The following ADGRV1 variants were observed in gnomAD, a reference collection of about 807,000 sequenced individuals.
The protein encoded by ADGRV1 is G-protein coupled receptor 98.
Under a neutral mutation model 596.2 loss-of-function variants are expected in ADGRV1, and 359 were observed. The ratio of observed to expected loss-of-function variants is 0.60; its 90% CI spans 0.55 to 0.66. ADGRV1 has a LOEUF of 0.66. ADGRV1 is among the 30% of genes least tolerant of loss of function. The probability of loss-of-function intolerance (pLI) is 0.00; values close to 1 mark genes in which losing one functional copy is unlikely to be tolerated. For missense variants in ADGRV1, 7,274 were observed against 7,575.6 expected (o/e 0.96, Z 1.48); for synonymous variants, 2,681 against 2,679.2 (o/e 1.00, Z -0.02).
intron 87 of ADGRV1, among the ~76,000 whole-genome samples, chr5:91,130,742 T>C (rs1023484673): frequency 2.0e-5 from 3 of 152,186 alleles, no homozygotes; most frequent in African/African-American, 7.2e-5. Context: ...GTAGTGAACA[T>C]AGTGCCCTAT....
At chr5:90,590,301 A>G (rs553647525) in intron 1 of ADGRV1, among the ~76,000 whole-genome samples, 33 of 152,334 alleles carry the variant, frequency 2.2e-4, no homozygotes, top group African/African-American at 6.7e-4. Context: ...GGGGTGCATC[A>G]TAGTTGCAGC....
chr5:91,159,664 T>C (rs960212763), intron 89 of ADGRV1, among the ~76,000 whole-genome samples: 1 of 152,154 alleles, frequency 6.6e-6, no homozygotes, highest in African/African-American at 2.4e-5. Context: ...AATGAGACAC[T>C]GAGTTCTAGA....
At chr5:90,609,692 A>G (rs1227965806) in intron 1 of ADGRV1, among the ~76,000 whole-genome samples, 1 of 151,906 alleles carries the variant, frequency 6.6e-6, no homozygotes, top group Non-Finnish European at 1.5e-5. Context: ...AAACTTGAAA[A>G]CCTTGTTCCT....
In ADGRV1 at chr5:90,619,115, G is replaced by A; in HGVS notation, c.387G>A (p.Trp129Ter). Residue 129 changes from tryptophan to a stop codon, truncating the protein, a stop_gained, in exon 4 of 90, where the codon TGG (tryptophan) becomes TGA (stop). Coordinates refer to ENST00000405460, the MANE Select transcript of ADGRV1 (RefSeq NM_032119.4). LOFTEE classifies it high-confidence loss of function. The stretch of plus-strand genomic sequence containing the variant: ...CTTCAGCAAATGTGAAGCTTGGATG[G>A]CCAAGGACTGTTACTGTGACAATAT... ...QKPSANVKLGWPRTVTVTILS... is the reference protein window; with the variant it reads ...QKPSANVKLG The A allele has an allele frequency of 2.7e-6, 4 of 1,494,226 alleles. No individual in the cohort carries two copies. The highest frequency in any genetic ancestry group is 3.6e-6 in the Non-Finnish European group (4 of 1,115,760). 92.6% of individuals were successfully genotyped at this position (1,494,226 alleles called of 1,614,324 possible).
Position 91,164,031 on chromosome 5 carries a change from G to C in ADGRV1, c.*131G>C, listed in dbSNP as rs1797174140. 1 of 701,156 alleles carries C rather than the reference G, an allele frequency of 1.4e-6. No individual in the cohort carries two copies. Among genetic ancestry groups the C allele is most frequent in the Admixed American group, 2.0e-5 (1 of 49,896 alleles). The allele number at this position is 701,156 out of a possible 1,614,324, so 43.4% of individuals were successfully genotyped here. On this transcript the variant is annotated 3_prime_UTR_variant, in exon 90 of 90. Transcript: ENST00000405460. Reference sequence around the variant, plus strand: ...CTGGATGATTAATACAAACGTGATTGTTGTATTTGGAGTATAAATTACTGA... The same window carrying C: ...CTGGATGATTAATACAAACGTGATTCTTGTATTTGGAGTATAAATTACTGA...
Position 90,716,471 on chromosome 5 carries a change from A to C in ADGRV1, c.9189A>C (p.Leu3063Phe), listed in dbSNP as rs201401085. Reference sequence around the variant, plus strand: ...TTAATATTTTTATTTTGGCAGCCTTAATTATTGTCCTTGCTAATGATGACG... The same window carrying C: ...TTAATATTTTTATTTTGGCAGCCTTCATTATTGTCCTTGCTAATGATGACG... The part of the protein sequence containing the change: ...GLELGKNTIA[L>F]IIVLANDDGP... Residue 3063 changes from leucine to phenylalanine, a missense_variant, in exon 43 of 90, where the codon TTA becomes TTC. This residue lies in a region of ADGRV1 where 3,643 missense variants were observed against 3,809.2 expected (regional missense o/e 0.96). Transcript: ENST00000405460. 5 of 1,551,784 alleles carry C rather than the reference A, an allele frequency of 3.2e-6. No individual in the cohort carries two copies. In the African/African-American group the frequency reaches 5.5e-5, roughly 17 times the overall value.
chr5:90,824,302 T>G (rs1201287902), intron 76 of ADGRV1, among the ~76,000 whole-genome samples: 1 of 152,252 alleles, frequency 6.6e-6, no homozygotes, highest in Non-Finnish European at 1.5e-5. Context: ...ACAAATATTC[T>G]AGAGCTGTCT....
At chr5:91,161,660 T>G (rs1186849631) in intron 89 of ADGRV1, among the ~76,000 whole-genome samples, 1 of 152,040 alleles carries the variant, frequency 6.6e-6, no homozygotes, top group Non-Finnish European at 1.5e-5. Context: ...TATGAGTGTT[T>G]GTTAAGCATT....
chr5:91,078,745 G>T (rs571825456), intron 86 of ADGRV1, among the ~76,000 whole-genome samples: 1 of 152,298 alleles, frequency 6.6e-6, no homozygotes, highest in African/African-American at 2.4e-5. Flanking sequence ...ACATGGACAT[G>T]TGAGTGAAGA....
intron 26 of ADGRV1, 129 bp from the exon 27 acceptor site, chr5:90,681,186 A>G (rs1744877502): frequency 9.9e-6 from 10 of 1,009,790 alleles, no homozygotes; most frequent in Non-Finnish European, 1.3e-5. Flanking sequence ...CTTTCTTTCT[A>G]AAACAAATTA....
At chr5:90,758,504 T>A (rs2149990583) in intron 57 of ADGRV1, among the ~76,000 whole-genome samples, 1 of 152,300 alleles carries the variant, frequency 6.6e-6, no homozygotes, top group East Asian at 1.9e-4. Context: ...ATCCATAGGA[T>A]CCTACTTATT....
Position 90,703,730 on chromosome 5 carries a change from A to G in ADGRV1, c.8221A>G (p.Lys2741Glu), listed in dbSNP as rs773579328. The change falls in exon 35 of 90, where the codon AAA (lysine) becomes GAA (glutamate). Residue 2741 changes from lysine (K) to glutamate (E), a missense_variant. Around this residue, in one of 5 missense-constraint regions of ADGRV1, gnomAD observed 3,643 missense variants for 3,809.2 expected, o/e 0.96. Coordinates refer to ENST00000405460, the MANE Select transcript of ADGRV1 (RefSeq NM_032119.4). ...PGRGNVTVNW[K>E]IIGQNLELNF... is the part of the protein sequence containing the mutation. ...TCGAGGAAATGTTACTGTTAACTGGAAAATTATTGGGCAAAATCTAGAACT... is the reference window on the plus strand; with the variant it reads ...TCGAGGAAATGTTACTGTTAACTGGGAAATTATTGGGCAAAATCTAGAACT... The G allele has an allele frequency of 1.9e-6, 3 of 1,605,836 alleles. No individual in the cohort carries two copies. The Admixed American group carries it at 5.1e-5, about 27-fold the overall frequency.
chr5:90,828,293 T>C (rs1413524399), intron 76 of ADGRV1, among the ~76,000 whole-genome samples: 1 of 151,992 alleles, frequency 6.6e-6, no homozygotes, highest in Non-Finnish European at 1.5e-5. Flanking sequence ...TAAAACACTT[T>C]AAAAATAAAA....
intron 75 of ADGRV1, among the ~76,000 whole-genome samples, chr5:90,821,449 T>C (rs1412235233): frequency 1.3e-5 from 2 of 151,778 alleles, no homozygotes; most frequent in African/African-American, 4.8e-5. Context: ...CTTTGTTCCG[T>C]TGCTGGTGAG....
At chr5:90,686,427 A>C (rs1412099150) in intron 29 of ADGRV1, among the ~76,000 whole-genome samples, 1 of 151,856 alleles carries the variant, frequency 6.6e-6, no homozygotes, top group African/African-American at 2.4e-5. Flanking sequence ...ATGTGTTCTC[A>C]TTGTTCACTT....
At chr5:90,975,432 C>G (rs1031640717) in intron 84 of ADGRV1, among the ~76,000 whole-genome samples, 3 of 152,136 alleles carry the variant, frequency 2.0e-5, no homozygotes, top group Non-Finnish European at 4.4e-5. Flanking sequence ...TTCACAATAG[C>G]AAAGACTTGG....
At chr5:90,916,923 C>G (rs1247852176) in intron 83 of ADGRV1, among the ~76,000 whole-genome samples, 1 of 152,084 alleles carries the variant, frequency 6.6e-6, no homozygotes, top group Non-Finnish European at 1.5e-5. Flanking sequence ...TGAGCCACCG[C>G]GCCCTGCCAC....
At chr5:91,135,708 C>T (rs76794908) in intron 87 of ADGRV1, among the ~76,000 whole-genome samples, 1,563 of 152,250 alleles carry the variant, frequency 0.01, 25 homozygotes, top group African/African-American at 0.036. Context: ...TTATGAAAAA[C>T]TTGCTATTTG....
At chr5:90,874,352 G>A (rs768476032) in intron 83 of ADGRV1, among the ~76,000 whole-genome samples, 8 of 152,106 alleles carry the variant, frequency 5.3e-5, no homozygotes, top group South Asian at 2.1e-4. Flanking sequence ...AGTGGCCTCC[G>A]CAAGAAGACC....
Sources: allele counts gnomAD v4.1 joint callset (sites outside exome capture counted in the v4.1 genomes callset), GRCh38; gene constraint gnomAD v4.1.1; regional missense constraint gnomAD v4.1.1; transcripts MANE v1.5; gene names NCBI Gene and HGNC (gene_info 2026-07-23, HGNC 2026-07-21).